FRAS1: variants seen among roughly 807,000 people sequenced by gnomAD.
The protein encoded by FRAS1 is extracellular matrix organizing protein FRAS1.
FRAS1 carries 290 observed loss-of-function variants against 435.2 expected under a neutral mutation model. The ratio of observed to expected loss-of-function variants is 0.67; its 90% CI spans 0.61 to 0.73. The LOEUF is 0.73. FRAS1 is among the 30% of genes least tolerant of loss of function. FRAS1 has a pLI of 0.00. For missense variants in FRAS1, 4,860 were observed against 5,001.5 expected (o/e 0.97, Z 0.85); for synonymous variants, 1,800 against 1,851.0 (o/e 0.97, Z 0.71).
chr4:78,265,198 C>A, intron 7 of FRAS1, 90 bp downstream of exon 7: 1 of 728,106 alleles, frequency 1.4e-6, no homozygotes, highest in South Asian at 1.9e-5. Flanking sequence ...AGTCACCACC[C>A]TCATGTCTGA....
intron 19 of FRAS1, among the ~76,000 whole-genome samples, chr4:78,333,977 A>G (rs2054719): frequency 0.39 from 58,751 of 151,818 alleles, 13,242 homozygotes; most frequent in Non-Finnish European, 0.51. Flanking sequence ...CTAATTTTTT[A>G]TTGTGGAAAA....
At chr4:78,519,258 C>G (rs2109892315) in intron 66 of FRAS1, 73 bp from the exon 67 acceptor site, 1 of 1,336,536 alleles carries the variant, frequency 7.5e-7, no homozygotes, top group Non-Finnish European at 9.9e-7. Flanking sequence ...AAAATGGAAC[C>G]AAGATGTGGT....
intron 47 of FRAS1, among the ~76,000 whole-genome samples, chr4:78,454,084 G>A (rs1489551717): frequency 6.6e-6 from 1 of 151,936 alleles, no homozygotes; most frequent in African/African-American, 2.4e-5. Context: ...AACACAGAGA[G>A]CAAGCAGGTG....
Position 78,499,903 on chromosome 4 carries a change from G to A in FRAS1, c.9298G>A (p.Val3100Ile). 6.4e-7 allele frequency: 1 copy of A among 1,573,758 alleles called. No individual in the cohort carries two copies. Among genetic ancestry groups the A allele is most frequent in the Non-Finnish European group, 8.7e-7 (1 of 1,152,736 alleles). The change falls in exon 61 of 74, where the codon GTC (valine) becomes ATC (isoleucine). Residue 3100 changes from valine (V) to isoleucine (I), a missense_variant. Transcript: ENST00000512123. ...TGTGGATTATTACCCAAAGAGCCGA[G>A]TCTTGAAGTTCAGTCCCGGTAATTG... ...SGVDYYPKSR[V>I]LKFSPGVDHI... is the part of the protein sequence containing the mutation.
intron 61 of FRAS1, among the ~76,000 whole-genome samples, chr4:78,506,209 G>C (rs534379948): frequency 1.3e-5 from 2 of 152,214 alleles, no homozygotes; most frequent in Non-Finnish European, 2.9e-5. Flanking sequence ...AGGGGTCAGG[G>C]ACCCACTTGA....
In FRAS1 at chr4:78,450,327, G is replaced by C; in HGVS notation, c.6451G>C (p.Asp2151His). 1 of 1,613,800 alleles carries C rather than the reference G, an allele frequency of 6.2e-7. No homozygotes were observed. The highest frequency in any genetic ancestry group is 8.5e-7 in the Non-Finnish European group (1 of 1,179,788). Reference protein sequence around the residue: ...KGPIRSFTQADISQGHVEYSH... With the variant: ...KGPIRSFTQAHISQGHVEYSH... ...CCCCATCCGAAGTTTCACCCAGGCA[G>C]ACATTAGCCAAGGTCAGCCAGTTCT... The change falls in exon 45 of 74, where the codon GAC becomes CAC. Residue 2151 changes from aspartate (D) to histidine (H), a missense_variant. Physicochemically the swap from Asp to His is moderately conservative, Grantham distance 81. Transcript: ENST00000512123.
rs184610801 is a variant in FRAS1 at position 78,274,096 on chromosome 4, T to A, written c.982-4559T>A. Among the ~76,000 whole-genome samples, 171 of 152,328 alleles carry A rather than the reference T, an allele frequency of 1.1e-3. 3 individuals carry two copies. The highest frequency in any genetic ancestry group is 7.0e-3 in the South Asian group (34 of 4,826). On this transcript the variant is annotated intron_variant, in intron 9 of 73. Coordinates refer to ENST00000512123, the MANE Select transcript of FRAS1 (RefSeq NM_025074.7). ...ATTTCCTTTAGATTTTCTAGTTTAT[T>A]TGCATAGAGGTGTTTATAGTATTCT...
In FRAS1 at chr4:78,521,587, T is replaced by A. The variant is rs754242651; in HGVS notation, c.10605T>A (p.Asp3535Glu). The change falls in exon 68 of 74, where the codon GAT becomes GAA. Residue 3535 changes from aspartate (D) to glutamate (E), a missense_variant. By Grantham distance (45) the Asp-to-Glu change is conservative. Coordinates refer to ENST00000512123, the MANE Select transcript of FRAS1 (RefSeq NM_025074.7). ...TAATAAGAATCTACATTCGAGAGGA[T>A]GGCCGTCTTGTCATTGAATTCAAGA... is the stretch of plus-strand genomic sequence containing the variant. ...LQIIRIYIRE[D>E]GRLVIEFKTH... 35 of 1,611,116 alleles carry A rather than the reference T, an allele frequency of 2.2e-5. No homozygotes were observed. Among genetic ancestry groups the A allele is most frequent in the South Asian group, 3.3e-5 (3 of 90,682 alleles).
At position 78,152,612 on chromosome 4, in the gene FRAS1, T is replaced by C. The variant is rs2110013401; in HGVS notation, c.109-84898T>C. Among the ~76,000 whole-genome samples the C allele has an allele frequency of 2.3e-5, 3 of 130,654 alleles. No individual in the cohort carries two copies. In the East Asian group the frequency reaches 6.0e-4, roughly 26 times the overall value. The allele number at this position is 130,654 out of a possible 152,430, so 85.7% of individuals were successfully genotyped here. A position where few individuals can be genotyped will look rare whatever the true frequency, so the allele number is the denominator to read the frequency against. ...TCTTCATTTCATGTAGGCTGCTTTT[T>C]TTTTTTTTTTTTTTTTTTGTGGTAT... On this transcript the variant is annotated intron_variant, in intron 2 of 73. Transcript: ENST00000512123.
At chr4:78,412,430 G>A (rs1190365518) in intron 31 of FRAS1, among the ~76,000 whole-genome samples, 1 of 152,158 alleles carries the variant, frequency 6.6e-6, no homozygotes, top group African/African-American at 2.4e-5. Context: ...CAGTAATTGT[G>A]AATGTTACTA....
intron 20 of FRAS1, among the ~76,000 whole-genome samples, chr4:78,342,910 A>AC (rs1050630556): frequency 3.2e-4 from 48 of 152,184 alleles, no homozygotes; most frequent in Non-Finnish European, 1.2e-4. Context: ...TTTATGAAGT[A>AC]TTTTTTTAAA....
intron 2 of FRAS1, among the ~76,000 whole-genome samples, chr4:78,128,451 G>A (rs1239631098): frequency 6.6e-6 from 1 of 152,154 alleles, no homozygotes; most frequent in Non-Finnish European, 1.5e-5. Flanking sequence ...CATTCTAACT[G>A]GTGTGAGATG....
At chr4:78,342,035 A>G (rs2110272127) in intron 20 of FRAS1, among the ~76,000 whole-genome samples, 2 of 152,306 alleles carry the variant, frequency 1.3e-5, no homozygotes, top group Middle Eastern at 3.4e-3. Context: ...GGAAGGTGTT[A>G]GGAGAAACCA....
intron 67 of FRAS1, 78 bp from the exon 68 acceptor site, chr4:78,521,445 T>C (rs972685388): frequency 1.2e-6 from 1 of 867,702 alleles, no homozygotes; most frequent in Non-Finnish European, 1.9e-6. Flanking sequence ...GGAGGTGTCC[T>C]TGGGATAACT....
At chr4:78,197,069 C>T (rs887760150) in intron 2 of FRAS1, among the ~76,000 whole-genome samples, 2 of 152,178 alleles carry the variant, frequency 1.3e-5, no homozygotes, top group Non-Finnish European at 1.5e-5. Flanking sequence ...GTTTTGTAAA[C>T]ATTTGTAAAA....
At chr4:78,287,890 G>T (rs889055745) in intron 14 of FRAS1, among the ~76,000 whole-genome samples, 1 of 152,168 alleles carries the variant, frequency 6.6e-6, no homozygotes, top group East Asian at 1.9e-4. Flanking sequence ...GATCAGCCAT[G>T]TTATAGAATA....
At chr4:78,439,475 G>GTGA (rs1734567853) in intron 40 of FRAS1, among the ~76,000 whole-genome samples, 1 of 152,040 alleles carries the variant, frequency 6.6e-6, no homozygotes, top group Non-Finnish European at 1.5e-5. Flanking sequence ...TTCCTTTGTG[G>GTGA]GCAGAGCAAT....
chr4:78,143,523 A>G (rs565150058), intron 2 of FRAS1, among the ~76,000 whole-genome samples: 1 of 152,292 alleles, frequency 6.6e-6, no homozygotes, highest in African/African-American at 2.4e-5. Flanking sequence ...ACTGCAAAAC[A>G]CACATTTCTT....
At chr4:78,367,136 G>A (rs1203788762) in intron 22 of FRAS1, among the ~76,000 whole-genome samples, 4 of 152,146 alleles carry the variant, frequency 2.6e-5, no homozygotes, top group Non-Finnish European at 5.9e-5. Context: ...CTGGCACAGT[G>A]GCTCACACCT....
Sources: gnomAD v4.1 joint callset for allele counts (sites outside exome capture counted in the v4.1 genomes callset) on GRCh38, gnomAD v4.1.1 for gene constraint, MANE v1.5 for transcripts, NCBI Gene and HGNC (gene_info 2026-07-23, HGNC 2026-07-21) for gene names.